Variants in ANO7 observed in about 807,000 individuals in gnomAD.
ANO7 encodes the protein anoctamin-7.
A neutral mutation model predicts 115.8 loss-of-function variants in ANO7; 114 were observed. That is an observed-to-expected ratio of 0.98 (90% CI 0.85 to 1.15). ANO7 has a LOEUF of 1.15. Ranked by LOEUF, ANO7 falls within the 50% of genes most tolerant of loss-of-function variation. ANO7 has a pLI of 0.00. For missense variants in ANO7, 1,302 were observed against 1,201.2 expected, an observed-to-expected ratio of 1.08 and a Z score of -1.24; for synonymous variants, 550 against 498.2, an observed-to-expected ratio of 1.10 and a Z score of -1.38.
intron 17 of ANO7, among the ~76,000 whole-genome samples, 198 bp from the exon 18 acceptor site, chr2:241,214,607 C>G (rs1449937479): frequency 6.6e-6 from 1 of 152,210 alleles, no homozygotes; most frequent in East Asian, 1.9e-4. Context: ...CCAATGCAGT[C>G]TTCCAGCTGG....
Position 241,224,123 on chromosome 2 carries a change from G to A in ANO7, c.2610G>A (p.Thr870=), listed in dbSNP as rs115620538. 64,553 of 1,613,938 alleles carry A rather than the reference G, an allele frequency of 0.04. 1,528 individuals carry two copies. The highest frequency in any genetic ancestry group is 0.048 in the Non-Finnish European group (56,664 of 1,179,966). ...SELSSHWTPF[T]VPKASQLQQ ...TCAGCTCCCACTGGACACCCTTCAC[G>A]GTTCCCAAGGCCAGCCAGCTGCAGC... Residue 870 remains threonine (T), a synonymous_variant, in exon 25 of 25, where the codon ACG becomes ACA. Coordinates refer to ENST00000674324, the MANE Select transcript of ANO7 (RefSeq NM_001370694.2).
chr2:241,200,057 G>A lies in ANO7; in HGVS notation c.418-32G>A. On this transcript the variant is annotated intron_variant, in intron 5 of 24. Coordinates refer to ENST00000674324, the MANE Select transcript of ANO7 (RefSeq NM_001370694.2). The stretch of plus-strand genomic sequence containing the variant: ...CCTGGGGCATTTGCCCTCCTCCCGG[G>A]AGTGGGAGGAGCCACTGACGTTTCC... 2.5e-6 allele frequency: 4 copies of A among 1,606,072 alleles called. No individual in the cohort carries two copies. The South Asian group carries it at 4.4e-5, about 18-fold the overall frequency.
chr2:241,210,686 C>CT, intron 15 of ANO7, 116 bp downstream of exon 15: 1 of 876,306 alleles, frequency 1.1e-6, no homozygotes, highest in Non-Finnish European at 1.8e-6. Flanking sequence ...TTTCTTTCTT[C>CT]TTTTTTCTTT....
the ANO7 span, chr2:241,231,065 G>T: frequency 2.4e-6 from 2 of 832,000 alleles, no homozygotes; most frequent in Non-Finnish European, 3.8e-6. Context: ...GCAACGTCAC[G>T]GCTGATTTAA....
At chr2:241,205,234 G>T (rs968660791) in intron 10 of ANO7, among the ~76,000 whole-genome samples, 1 of 149,256 alleles carries the variant, frequency 6.7e-6, no homozygotes, top group Non-Finnish European at 1.5e-5. Context: ...CTGACAGGTG[G>T]TCAGGAGCAC....
the ANO7 span, chr2:241,235,296 A>G: frequency 1.2e-6 from 2 of 1,613,724 alleles, no homozygotes; most frequent in South Asian, 2.2e-5. Flanking sequence ...AGGACCCCAG[A>G]GAACAGGAAA....
rs568813478 is a variant in ANO7, at chr2:241,208,899, C to T, written c.1078-386C>T. 2.6e-4 allele frequency among the ~76,000 whole-genome samples: 39 copies of T among 152,248 alleles called. No individual in the cohort carries two copies. The East Asian group carries it at 7.6e-3, about 30-fold the overall frequency. On this transcript the variant is annotated intron_variant, in intron 11 of 24. Transcript: ENST00000674324. ...GCACGGTGGCTCACGCCTGTAATCC[C>T]AGCACTTTGGGAGGCCAAGGCGGGT...
downstream of ANO7, chr2:241,229,791 C>A (rs1484539317): frequency 1.9e-6 from 3 of 1,553,342 alleles, no homozygotes; most frequent in African/African-American, 2.7e-5. Flanking sequence ...CCTGCCCGCC[C>A]ACCCTCCCTG....
chr2:241,210,345 C>T lies in ANO7; in HGVS notation c.1410C>T (p.Ile470=), dbSNP rs757342841. ...TGTCTATCATCCTGTACCGTGCCAT[C>T]ATGGCCATCGTGGTGTCCAGGTCGG... is the stretch of plus-strand genomic sequence containing the variant. The part of the protein sequence containing the change: ...CLVSIILYRA[I]MAIVVSRSGN... Residue 470 remains isoleucine, a synonymous_variant, in exon 14 of 25, where the codon ATC becomes ATT. Coordinates refer to ENST00000674324, the MANE Select transcript of ANO7 (RefSeq NM_001370694.2). 37 of 1,613,968 alleles carry T rather than the reference C, an allele frequency of 2.3e-5. No individual in the cohort carries two copies. The highest frequency in any genetic ancestry group is 3.1e-5 in the Non-Finnish European group (37 of 1,180,000).
chr2:241,218,261 C>T lies in ANO7; in HGVS notation c.2201C>T (p.Ser734Phe). 1 of 1,530,802 alleles carries T rather than the reference C, an allele frequency of 6.5e-7. No homozygotes were observed. Among genetic ancestry groups the T allele is most frequent in the Non-Finnish European group, 8.7e-7 (1 of 1,146,204 alleles). 94.8% of individuals were successfully genotyped at this position (1,530,802 alleles called of 1,614,324 possible). ...ISNAFLLAFS[S>F]DFLPRAYYRW... ...CAGGCCTTCCTCCTGGCCTTCTCGT[C>T]CGACTTCCTGCCGCGCGCCTACTAC... The change falls in exon 21 of 25, where the codon TCC (serine) becomes TTC (phenylalanine). Residue 734 changes from serine (S) to phenylalanine (F), a missense_variant. Physicochemically the swap from Ser to Phe is radical, Grantham distance 155 (BLOSUM62 -2). Transcript: ENST00000674324.
rs2149220405 is a variant in ANO7 at position 241,210,578 on chromosome 2, G to A, written c.1561+8G>A. ...ACGTCCTGACACGATGGGGTGAGTGGGCTGAGGCCGGCCAGGCACTGACCA... is the reference window on the plus strand; with the variant it reads ...ACGTCCTGACACGATGGGGTGAGTGAGCTGAGGCCGGCCAGGCACTGACCA... On this transcript the variant is annotated splice_region_variant and intron_variant, in intron 15 of 24. Coordinates refer to ENST00000674324, the MANE Select transcript of ANO7 (RefSeq NM_001370694.2). The A allele has an allele frequency of 6.2e-7, 1 of 1,612,190 alleles. No individual in the cohort carries two copies. Among genetic ancestry groups the A allele is most frequent in the Middle Eastern group, 1.7e-4 (1 of 6,060 alleles).
chr2:241,229,992 G>A (rs1246287818), downstream of ANO7: 4 of 1,580,432 alleles, frequency 2.5e-6, no homozygotes, highest in Non-Finnish European at 3.4e-6. Context: ...GACAGGGTCA[G>A]TCTGCCCAGC....
At chr2:241,190,746 G>A (rs956176975) in intron 2 of ANO7, among the ~76,000 whole-genome samples, 5 of 152,168 alleles carry the variant, frequency 3.3e-5, no homozygotes, top group Non-Finnish European at 7.4e-5. Context: ...AGGGCACAGG[G>A]CCTCTCACCT....
At chr2:241,196,748 C>T (rs1182375854) in intron 4 of ANO7, among the ~76,000 whole-genome samples, 3 of 152,194 alleles carry the variant, frequency 2.0e-5, no homozygotes, top group Non-Finnish European at 4.4e-5. Context: ...CATGTGAATG[C>T]CGGTCTTTGC....
At chr2:241,194,026 C>T (rs2068262013) in intron 3 of ANO7, among the ~76,000 whole-genome samples, 1 of 152,206 alleles carries the variant, frequency 6.6e-6, no homozygotes, top group Admixed American at 6.5e-5. Flanking sequence ...CAGGCATGTG[C>T]CACCACGCCT....
In ANO7 at chr2:241,224,232, T is replaced by G; in HGVS notation, c.*79T>G. On this transcript the variant is annotated 3_prime_UTR_variant, in exon 25 of 25. Transcript: ENST00000674324. Reference sequence around the variant, plus strand: ...CGAGCAGCGTCCTTTTCCTCTTCCCTCAGGCAGCGGCTGTGTGAACCGCTG... The same window carrying G: ...CGAGCAGCGTCCTTTTCCTCTTCCCGCAGGCAGCGGCTGTGTGAACCGCTG... 6.6e-7 allele frequency: 1 copy of G among 1,510,902 alleles called. No homozygotes were observed. Among genetic ancestry groups the G allele is most frequent in the Non-Finnish European group, 9.1e-7 (1 of 1,097,736 alleles). The allele number at this position is 1,510,902 out of a possible 1,614,324, so 93.6% of individuals were successfully genotyped here. A position where few individuals can be genotyped will look rare whatever the true frequency, so the allele number is the denominator to read the frequency against.
chr2:241,233,756 C>G, the ANO7 span: 5 of 1,599,126 alleles, frequency 3.1e-6, no homozygotes, highest in Non-Finnish European at 4.3e-6. This position sits in a 1 kb window ranked among gnomAD's most constrained non-coding sequence, Gnocchi z 4.3. Context: ...GGTTACTGCT[C>G]CCAAGTCACA....
At chr2:241,206,558 G>T (rs372531019) in intron 10 of ANO7, among the ~76,000 whole-genome samples, 304 of 20,724 alleles carry the variant, frequency 0.015, 1 homozygote, top group East Asian at 0.045. Context: ...GTGCTCCCAG[G>T]CTGACAGGTG....
chr2:241,219,560 ATTCTT>A (rs1191900133), intron 21 of ANO7, among the ~76,000 whole-genome samples: 3 of 151,256 alleles, frequency 2.0e-5, no homozygotes, highest in Non-Finnish European at 2.9e-5. Flanking sequence ...TTTAGCATAC[ATTCTT>A]TTCTTTTTTC....
Sources: allele counts gnomAD v4.1 joint callset (sites outside exome capture counted in the v4.1 genomes callset), GRCh38; gene constraint gnomAD v4.1.1; non-coding constraint Gnocchi (gnomAD v3.1); transcripts MANE v1.5; gene names NCBI Gene and HGNC (gene_info 2026-07-23, HGNC 2026-07-21).